Variants in GRM7 observed in about 807,000 individuals in gnomAD.
GRM7 encodes the protein glutamate metabotropic receptor 7, also known as metabotropic glutamate receptor 7.
A neutral mutation model predicts 84.5 loss-of-function variants in GRM7; 35 were observed. The observed-to-expected ratio is 0.41, with a 90% CI of 0.32 to 0.55. The LOEUF (loss-of-function observed/expected upper bound fraction) is 0.55, where lower values mean the gene tolerates loss of function less well. Ranked by LOEUF, GRM7 falls within the 20% of genes least tolerant of loss-of-function variation. GRM7 has a pLI of 0.19. For missense variants in GRM7, 1,003 were observed against 1,194.6 expected (o/e 0.84, Z 2.36); for synonymous variants, 487 against 455.1 (o/e 1.07, Z -0.89).
At chr3:7,690,822 T>C (rs1434946492) in intron 9 of GRM7, among the ~76,000 whole-genome samples, 2 of 152,210 alleles carry the variant, frequency 1.3e-5, no homozygotes, top group East Asian at 1.9e-4. Flanking sequence ...GTTGAGTGCA[T>C]TTCCTTAGAG....
At chr3:7,707,119 G>A (rs1212620198) in intron 9 of GRM7, among the ~76,000 whole-genome samples, 1 of 152,082 alleles carries the variant, frequency 6.6e-6, no homozygotes, top group Non-Finnish European at 1.5e-5. Context: ...ATTAACTGAG[G>A]TTACATTCTA....
At chr3:7,721,335 C>T (rs78289952) in intron 9 of GRM7, among the ~76,000 whole-genome samples, 5 of 152,118 alleles carry the variant, frequency 3.3e-5, no homozygotes, top group Admixed American at 2.6e-4. Context: ...GGATACATAA[C>T]GTTTCTGGGG....
intron 8 of GRM7, among the ~76,000 whole-genome samples, chr3:7,618,890 C>CTGTT (rs1379355400): frequency 6.6e-6 from 1 of 152,130 alleles, no homozygotes. Context: ...AACTGCTAGA[C>CTGTT]TGTTAGAAGA....
At chr3:7,115,591 G>A (rs1693004262) in intron 1 of GRM7, among the ~76,000 whole-genome samples, 1 of 152,084 alleles carries the variant, frequency 6.6e-6, no homozygotes, top group Non-Finnish European at 1.5e-5. Flanking sequence ...TCTAAATCAA[G>A]GGAAGGGCTA....
chr3:7,703,743 T>G (rs13098732), intron 9 of GRM7, among the ~76,000 whole-genome samples: 66,034 of 151,980 alleles, frequency 0.43, 14,559 homozygotes, highest in East Asian at 0.71. Flanking sequence ...CTTGAGCTAG[T>G]TGTTATAATA....
chr3:7,267,936 T>C (rs939357667), intron 2 of GRM7, among the ~76,000 whole-genome samples: 6 of 152,024 alleles, frequency 3.9e-5, no homozygotes, highest in African/African-American at 1.4e-4. Context: ...TTCCATGGGA[T>C]AATTGGTTCA....
chr3:7,727,592 A>G (rs145649580), intron 9 of GRM7, among the ~76,000 whole-genome samples: 37 of 152,300 alleles, frequency 2.4e-4, no homozygotes, highest in African/African-American at 8.4e-4. Flanking sequence ...TCTGAGTGTG[A>G]GCTGGTCAGC....
intron 2 of GRM7, among the ~76,000 whole-genome samples, chr3:7,294,030 C>G (rs1699728808): frequency 1.3e-5 from 2 of 152,184 alleles, no homozygotes; most frequent in Non-Finnish European, 2.9e-5. Flanking sequence ...GGTTTATCCC[C>G]ATTACCACGT....
At chr3:7,584,367 T>G (rs929359239) in intron 8 of GRM7, among the ~76,000 whole-genome samples, 7 of 152,218 alleles carry the variant, frequency 4.6e-5, no homozygotes, top group Admixed American at 3.9e-4. Context: ...TGTTCTACCT[T>G]AAGAGGAAAT....
chr3:7,181,428 A>G (rs552595783), intron 2 of GRM7, among the ~76,000 whole-genome samples: 1 of 152,174 alleles, frequency 6.6e-6, no homozygotes, highest in South Asian at 2.1e-4. Flanking sequence ...TCTTGACACT[A>G]ACTTGTTGGT....
At chr3:7,161,997 C>G (rs957819448) in intron 2 of GRM7, among the ~76,000 whole-genome samples, 1 of 152,126 alleles carries the variant, frequency 6.6e-6, no homozygotes, top group South Asian at 2.1e-4. Context: ...TTGCTAATTA[C>G]TTGGCTGCAG....
At chr3:7,052,021 T>G (rs904898068) in intron 1 of GRM7, among the ~76,000 whole-genome samples, 1 of 151,726 alleles carries the variant, frequency 6.6e-6, no homozygotes, top group Non-Finnish European at 1.5e-5. Context: ...GGAGTCATAA[T>G]GTAATAAAAT....
At chr3:7,063,281 C>G (rs1263280049) in intron 1 of GRM7, among the ~76,000 whole-genome samples, 1 of 151,682 alleles carries the variant, frequency 6.6e-6, no homozygotes. Context: ...TTCAGTGAAT[C>G]AGAGATTATC....
intron 4 of GRM7, among the ~76,000 whole-genome samples, chr3:7,348,317 C>A (rs954405636): frequency 6.6e-6 from 1 of 152,218 alleles, no homozygotes; most frequent in East Asian, 1.9e-4. Flanking sequence ...CATGCCCCAA[C>A]AGCTCCAGCA....
intron 1 of GRM7, among the ~76,000 whole-genome samples, chr3:6,865,686 T>C (rs979922699): frequency 2.0e-5 from 3 of 152,198 alleles, no homozygotes; most frequent in Non-Finnish European, 4.4e-5. Context: ...AATGTTTTCC[T>C]TCTGTTAATT....
At chr3:7,018,345 A>T (rs1695649950) in intron 1 of GRM7, among the ~76,000 whole-genome samples, 1 of 152,248 alleles carries the variant, frequency 6.6e-6, no homozygotes, top group Non-Finnish European at 1.5e-5. Flanking sequence ...AATTACAGAG[A>T]AGTGGGAAGA....
intron 5 of GRM7, among the ~76,000 whole-genome samples, chr3:7,437,113 C>T (rs1335573402): frequency 1.3e-5 from 2 of 152,192 alleles, no homozygotes; most frequent in African/African-American, 4.8e-5. Flanking sequence ...ACTAGCCACA[C>T]AGCTGATAAG....
At chr3:7,180,835 A>G (rs1695313313) in intron 2 of GRM7, among the ~76,000 whole-genome samples, 1 of 152,052 alleles carries the variant, frequency 6.6e-6, no homozygotes, top group African/African-American at 2.4e-5. Flanking sequence ...TTTTGTTCCT[A>G]CTTTTTATTT....
At position 7,476,005 on chromosome 3, in the gene GRM7, A is replaced by C. The variant is rs562051782; in HGVS notation, c.1515+14283A>C. On this transcript the variant is annotated intron_variant, in intron 7 of 9. Coordinates refer to ENST00000357716, the MANE Select transcript of GRM7 (RefSeq NM_000844.4). Reference sequence around the variant, plus strand: ...TGCCTACATTTTATTTTCTGAAAAAAATGGAGAGGAATTAGTAGATCAGTA... The same window carrying C: ...TGCCTACATTTTATTTTCTGAAAAACATGGAGAGGAATTAGTAGATCAGTA... 2.0e-5 allele frequency among the ~76,000 whole-genome samples: 3 copies of C among 152,298 alleles called. 1 individual carries two copies. In the South Asian group the frequency reaches 6.2e-4, roughly 32 times the overall value.
Sources: gnomAD v4.1 joint callset for allele counts (sites outside exome capture counted in the v4.1 genomes callset) on GRCh38, gnomAD v4.1.1 for gene constraint, MANE v1.5 for transcripts, NCBI Gene and HGNC (gene_info 2026-07-23, HGNC 2026-07-21) for gene names.